Variants in TASP1 observed in about 807,000 individuals in gnomAD.
The protein encoded by TASP1 is threonine aspartase 1.
A neutral mutation model predicts 56.6 loss-of-function variants in TASP1; 16 were observed. The ratio of observed to expected loss-of-function variants is 0.28; its 90% confidence interval spans 0.19 to 0.43. The LOEUF (loss-of-function observed/expected upper bound fraction) is 0.43, where lower values mean the gene tolerates loss of function less well. Ranked by LOEUF, TASP1 falls within the 20% of genes least tolerant of loss-of-function variation. The pLI, the probability that TASP1 is intolerant of heterozygous loss-of-function variation, is 1.00. For missense variants in TASP1, 393 were observed against 511.6 expected, an observed-to-expected ratio of 0.77 and a Z score of 2.24; for synonymous variants, 179 against 184.2, an observed-to-expected ratio of 0.97 and a Z score of 0.23.
At position 13,424,940 on chromosome 20, in the gene TASP1, AT is replaced by A. The variant is rs572906885; in HGVS notation, c.1097-7420del. On this transcript the variant is annotated intron_variant, in intron 12 of 13. Transcript: ENST00000337743. The stretch of plus-strand genomic sequence containing the variant: ...TAACATATCATGTCATACAAATGCA[AT>A]GTGAGAAAACGTACACACCATTGAT... Among the ~76,000 whole-genome samples, 18 of 152,332 alleles carry A rather than the reference AT, an allele frequency of 1.2e-4. No homozygotes were observed. The South Asian group carries it at 3.7e-3, about 32-fold the overall frequency.
the TASP1 span, among the ~76,000 whole-genome samples, chr20:13,254,510 T>A: frequency 6.6e-6 from 1 of 152,012 alleles, no homozygotes. Context: ...CCTAAACCCC[T>A]GCTGCTCTCT....
chr20:13,130,277 G>A, the TASP1 span, among the ~76,000 whole-genome samples: 1 of 152,164 alleles, frequency 6.6e-6, no homozygotes, highest in Non-Finnish European at 1.5e-5. Flanking sequence ...GAGCTCAAAG[G>A]ATGCACTGTT....
intron 8 of TASP1, among the ~76,000 whole-genome samples, chr20:13,556,310 A>G (rs1046512880): frequency 1.3e-5 from 2 of 151,982 alleles, no homozygotes; most frequent in Non-Finnish European, 2.9e-5. Flanking sequence ...CATCCCTATC[A>G]CCTACAGTCC....
At chr20:13,530,580 A>G (rs1413818856) in intron 9 of TASP1, among the ~76,000 whole-genome samples, 1 of 152,180 alleles carries the variant, frequency 6.6e-6, no homozygotes, top group Non-Finnish European at 1.5e-5. Context: ...AATTAACATG[A>G]CCAGTAGCCT....
chr20:13,401,080 G>A (rs371654650), intron 13 of TASP1, among the ~76,000 whole-genome samples: 2 of 152,254 alleles, frequency 1.3e-5, no homozygotes, highest in African/African-American at 2.4e-5. Context: ...CAAACAGGGC[G>A]GCTACCACCT....
the TASP1 span, among the ~76,000 whole-genome samples, chr20:13,242,072 A>G: frequency 6.6e-6 from 1 of 152,184 alleles, no homozygotes; most frequent in Non-Finnish European, 1.5e-5. Flanking sequence ...TAAAACTGGA[A>G]AAATGAGTTA....
At chr20:13,302,501 A>G in the TASP1 span, among the ~76,000 whole-genome samples, 1 of 152,176 alleles carries the variant, frequency 6.6e-6, no homozygotes, top group Non-Finnish European at 1.5e-5. Context: ...CATTCAACAC[A>G]GGGCCCCAAG....
chr20:13,449,207 A>T (rs2043525499), intron 11 of TASP1, among the ~76,000 whole-genome samples: 1 of 152,082 alleles, frequency 6.6e-6, no homozygotes, highest in African/African-American at 2.4e-5. Context: ...GGACTTGGTA[A>T]ACAAAGTTGA....
intron 4 of TASP1, among the ~76,000 whole-genome samples, chr20:13,606,117 G>A (rs1281233908): frequency 2.9e-5 from 4 of 136,730 alleles, no homozygotes; most frequent in Non-Finnish European, 6.1e-5. Flanking sequence ...CATAAATATA[G>A]ACTGCATGTG....
intron 11 of TASP1, among the ~76,000 whole-genome samples, chr20:13,447,734 C>T (rs889314587): frequency 5.3e-5 from 8 of 152,134 alleles, no homozygotes; most frequent in African/African-American, 1.9e-4. Context: ...AATAAAAGCC[C>T]TCATTTTGTT....
chr20:13,581,638 G>C (rs2047130818), intron 5 of TASP1, among the ~76,000 whole-genome samples: 1 of 152,182 alleles, frequency 6.6e-6, no homozygotes, highest in Admixed American at 6.5e-5. Flanking sequence ...GCTTATCCAG[G>C]AGAACTGACA....
Position 13,483,332 on chromosome 20 carries a change from C to T in TASP1, c.880G>A (p.Gly294Arg). 6.4e-7 allele frequency: 1 copy of T among 1,559,262 alleles called. No homozygotes were observed. The highest frequency in any genetic ancestry group is 2.3e-5 in the East Asian group (1 of 42,650). ...YSTAVSTSGC[G>R]EHLVRTILAR... Reference sequence around the variant, plus strand: ...AGTATGGTGCGCACAAGATGCTCTCCACATCCTAGAAATCCAAAGAAACCA... The same window carrying T: ...AGTATGGTGCGCACAAGATGCTCTCTACATCCTAGAAATCCAAAGAAACCA... Residue 294 changes from glycine to arginine, a missense_variant, in exon 11 of 14, where the codon GGA becomes AGA. Physicochemically the swap from Gly to Arg is moderately radical, Grantham distance 125 (BLOSUM62 -2). This residue lies in a region of TASP1 where 293 missense variants were observed against 354.2 expected (regional missense o/e 0.83). Coordinates refer to ENST00000337743, the MANE Select transcript of TASP1 (RefSeq NM_017714.3).
chr20:13,467,438 T>A (rs1056475043), intron 11 of TASP1, among the ~76,000 whole-genome samples: 1 of 151,686 alleles, frequency 6.6e-6, no homozygotes, highest in Non-Finnish European at 1.5e-5. Flanking sequence ...AAAAAGCTAA[T>A]TACTCCCAAA....
intron 11 of TASP1, among the ~76,000 whole-genome samples, chr20:13,438,858 C>A (rs1310897534): frequency 6.6e-6 from 1 of 152,202 alleles, no homozygotes; most frequent in Non-Finnish European, 1.5e-5. Flanking sequence ...TATGAACAGA[C>A]ACTTCTCAAA....
the TASP1 span, among the ~76,000 whole-genome samples, chr20:13,240,368 G>A: frequency 6.6e-6 from 1 of 152,178 alleles, no homozygotes; most frequent in Non-Finnish European, 1.5e-5. Flanking sequence ...GGGTGGTCAA[G>A]GAAGGACTTG....
At chr20:13,218,019 G>A in the TASP1 span, among the ~76,000 whole-genome samples, 21 of 152,252 alleles carry the variant, frequency 1.4e-4, no homozygotes, top group Non-Finnish European at 1.8e-4. Flanking sequence ...GGAGGCCGAA[G>A]CGGGTGGATC....
chr20:13,466,017 G>T (rs533321420), intron 11 of TASP1, among the ~76,000 whole-genome samples: 9 of 152,150 alleles, frequency 5.9e-5, no homozygotes, highest in African/African-American at 1.7e-4. Context: ...AAGTAAAGCT[G>T]GGGAAACTGA....
At chr20:13,607,222 A>G (rs2048190915) in intron 4 of TASP1, among the ~76,000 whole-genome samples, 1 of 152,234 alleles carries the variant, frequency 6.6e-6, no homozygotes, top group Admixed American at 6.5e-5. Flanking sequence ...TAACCAACCC[A>G]GCAAAGAGAG....
At chr20:13,282,242 C>T in the TASP1 span, among the ~76,000 whole-genome samples, 10 of 152,194 alleles carry the variant, frequency 6.6e-5, no homozygotes, top group East Asian at 1.5e-3. Context: ...TTTAAAGCTC[C>T]GAGGATGACT....
Sources: allele counts gnomAD v4.1 joint callset (sites outside exome capture counted in the v4.1 genomes callset), GRCh38; gene constraint gnomAD v4.1.1; regional missense constraint gnomAD v4.1.1; transcripts MANE v1.5; gene names NCBI Gene and HGNC (gene_info 2026-07-23, HGNC 2026-07-21).